Variants in ATAD5 observed in about 807,000 individuals in gnomAD.
ATAD5 encodes ATPase family AAA domain-containing protein 5.
In ATAD5, 58 loss-of-function variants were observed where a neutral mutation model predicts 176.9. The observed-to-expected ratio is 0.33, with a 90% confidence interval of 0.27 to 0.41. ATAD5 has a LOEUF of 0.41. Among genes scored for constraint, ATAD5 ranks in the 10% least tolerant of loss-of-function variants. The pLI is 1.00. For missense variants in ATAD5, 1,789 were observed against 2,094.1 expected, an observed-to-expected ratio of 0.85 and a Z score of 2.84; for synonymous variants, 640 against 712.6, an observed-to-expected ratio of 0.90 and a Z score of 1.62.
chr17:30,885,687 G>A (rs1909286038), intron 18 of ATAD5, among the ~76,000 whole-genome samples: 1 of 135,864 alleles, frequency 7.4e-6, no homozygotes, highest in Non-Finnish European at 1.5e-5. Flanking sequence ...AGGCTGGAGT[G>A]CAGTGGGGCA....
chr17:30,875,979 T>C (rs1183016598), intron 14 of ATAD5, among the ~76,000 whole-genome samples: 3 of 151,086 alleles, frequency 2.0e-5, no homozygotes, highest in Non-Finnish European at 1.5e-5. Flanking sequence ...CTACTAAATA[T>C]ACAAAAAATT....
intron 2 of ATAD5, 84 bp downstream of exon 2, chr17:30,836,132 A>ATT: frequency 2.6e-6 from 3 of 1,176,098 alleles, no homozygotes; most frequent in African/African-American, 1.6e-5. Context: ...ATTGGAGGGT[A>ATT]TTTTTTTTTC....
chr17:30,870,758 T>C (rs776677916), intron 14 of ATAD5, among the ~76,000 whole-genome samples: 1 of 152,162 alleles, frequency 6.6e-6, no homozygotes, highest in Non-Finnish European at 1.5e-5. Flanking sequence ...AGTATTATTA[T>C]GAACTCATGG....
At chr17:30,851,468 C>T (rs1298670949) in intron 6 of ATAD5, among the ~76,000 whole-genome samples, 1 of 150,120 alleles carries the variant, frequency 6.7e-6, no homozygotes, top group Admixed American at 6.6e-5. Context: ...TGCACTCCAG[C>T]CTGGGCAACA....
In ATAD5 at chr17:30,835,072, A is replaced by G. The variant is rs766615480; in HGVS notation, c.991A>G (p.Ile331Val). 49 of 1,613,948 alleles carry G rather than the reference A, an allele frequency of 3.0e-5. No homozygotes were observed. Among genetic ancestry groups the G allele is most frequent in the Non-Finnish European group, 4.0e-5 (47 of 1,180,018 alleles). Residue 331 changes from isoleucine (I) to valine (V), a missense_variant, in exon 2 of 23, where the codon ATT (isoleucine) becomes GTT (valine). By Grantham distance (29) the Ile-to-Val change is conservative. Coordinates refer to ENST00000321990, the MANE Select transcript of ATAD5 (RefSeq NM_024857.5). The stretch of plus-strand genomic sequence containing the variant: ...TACTGTTCTTGCACAGGTTCACCCT[A>G]TTCCGCCCAAAAAGACAGGGAAAAT... ...TVTVLAQVHP[I>V]PPKKTGKIPR...
chr17:30,857,515 C>T (rs1597970737), intron 8 of ATAD5, among the ~76,000 whole-genome samples: 1 of 152,122 alleles, frequency 6.6e-6, no homozygotes, highest in Non-Finnish European at 1.5e-5. Flanking sequence ...TGTACCCAGC[C>T]TAATATTTAA....
At chr17:30,862,100 C>T (rs1165061351) in intron 10 of ATAD5, among the ~76,000 whole-genome samples, 1 of 148,360 alleles carries the variant, frequency 6.7e-6, no homozygotes, top group African/African-American at 2.5e-5. Flanking sequence ...TTTGGGAGGC[C>T]GAGGTGGGTG....
chr17:30,892,550 G>C (rs1045265002), intron 19 of ATAD5, 57 bp from the exon 20 acceptor site: 7 of 1,249,720 alleles, frequency 5.6e-6, no homozygotes, highest in Non-Finnish European at 7.5e-6. Flanking sequence ...TTAAATAATT[G>C]TTTGATACAA....
At chr17:30,884,056 G>T (rs941412269) in intron 18 of ATAD5, among the ~76,000 whole-genome samples, 1 of 151,980 alleles carries the variant, frequency 6.6e-6, no homozygotes, top group Non-Finnish European at 1.5e-5. Context: ...GAAACTCCCT[G>T]TTTCCTCCTG....
intron 19 of ATAD5, 69 bp from the exon 20 acceptor site, chr17:30,892,538 C>A: frequency 8.8e-7 from 1 of 1,140,402 alleles, no homozygotes; most frequent in Non-Finnish European, 1.2e-6. Flanking sequence ...GGATCTCAGG[C>A]TTTAAATAAT....
intron 6 of ATAD5, among the ~76,000 whole-genome samples, chr17:30,852,558 G>T (rs1020405796): frequency 6.6e-6 from 1 of 152,122 alleles, no homozygotes; most frequent in Non-Finnish European, 1.5e-5. Context: ...CTAAGACTCG[G>T]TAATTTATAG....
intron 10 of ATAD5, among the ~76,000 whole-genome samples, chr17:30,865,357 A>G (rs1907919253): frequency 6.6e-6 from 1 of 152,018 alleles, no homozygotes; most frequent in African/African-American, 2.4e-5. Flanking sequence ...TACTTTTAGT[A>G]GAGACGGGGT....
chr17:30,895,137 T>A lies in ATAD5; in HGVS notation c.*224T>A, dbSNP rs1325311978. The A allele has an allele frequency of 1.1e-5, 4 of 356,456 alleles. No individual in the cohort carries two copies. The highest frequency in any genetic ancestry group is 2.1e-5 in the African/African-American group (1 of 46,786). 22.1% of individuals were successfully genotyped at this position (356,456 alleles called of 1,614,324 possible). ...ATTTTTTGTATTATCTGATTTAGCT[T>A]TGTTGGAGTATTTTTTGTATGTGAG... On this transcript the variant is annotated 3_prime_UTR_variant, in exon 23 of 23. Transcript: ENST00000321990.
In ATAD5 at chr17:30,850,833, T is replaced by TATATATATATATA. The variant is rs1906849991; in HGVS notation, c.2451-4310_2451-4309insATATATATATATA. Among the ~76,000 whole-genome samples the TATATATATATATA allele has an allele frequency of 2.8e-3, 79 of 27,820 alleles. 5 individuals are homozygous for TATATATATATATA. The highest frequency in any genetic ancestry group is 3.5e-3 in the Non-Finnish European group (60 of 16,948). The allele number at this position is 27,820 out of a possible 152,430, so 18.3% of individuals were successfully genotyped here. On this transcript the variant is annotated intron_variant, in intron 6 of 22. Coordinates refer to ENST00000321990, the MANE Select transcript of ATAD5 (RefSeq NM_024857.5). ...AATTATTATTTATATTTATATATTT[T>TATATATATATATA]TATATATATATATATATATATATAT...
intron 15 of ATAD5, 133 bp from the exon 16 acceptor site, chr17:30,877,267 CCAAAGTGCTGGGATTA>C: frequency 1.8e-6 from 1 of 568,834 alleles, no homozygotes; most frequent in Non-Finnish European, 3.0e-6. Flanking sequence ...CCTCGGCCTC[CCAAAGTGCTGGGATTA>C]CAGGCATGAG....
chr17:30,890,125 G>A (rs1909551591), intron 19 of ATAD5, among the ~76,000 whole-genome samples: 1 of 151,956 alleles, frequency 6.6e-6, no homozygotes, highest in African/African-American at 2.4e-5. Context: ...CTGGGCTCAA[G>A]TGATCCGCCC....
intron 8 of ATAD5, among the ~76,000 whole-genome samples, chr17:30,857,607 T>A (rs1056764102): frequency 1.3e-5 from 2 of 152,206 alleles, no homozygotes; most frequent in African/African-American, 4.8e-5. Flanking sequence ...TGATTGCCAG[T>A]TCTCAAAGAA....
At chr17:30,850,934 G>T (rs1269796547) in intron 6 of ATAD5, among the ~76,000 whole-genome samples, 2 of 119,490 alleles carry the variant, frequency 1.7e-5, no homozygotes, top group Non-Finnish European at 3.3e-5. Flanking sequence ...AGCCAGGCTG[G>T]AGTGCAGTGG....
Position 30,834,556 on chromosome 17 carries a change from T to C in ATAD5, c.475T>C (p.Leu159=), listed in dbSNP as rs766795863. Residue 159 remains leucine, a synonymous_variant, in exon 2 of 23, where the codon TTA becomes CTA. Coordinates refer to ENST00000321990, the MANE Select transcript of ATAD5 (RefSeq NM_024857.5). The part of the protein sequence containing the change: ...NDFVESSTSV[L]RYKKQVEVLA... ...TTTTGTGGAAAGTAGTACTTCTGTTTTACGTTACAAGAAACAAGTAGAGGT... is the reference window on the plus strand; with the variant it reads ...TTTTGTGGAAAGTAGTACTTCTGTTCTACGTTACAAGAAACAAGTAGAGGT... The C allele has an allele frequency of 1.9e-6, 3 of 1,603,186 alleles. No individual in the cohort carries two copies. The highest frequency in any genetic ancestry group is 8.5e-7 in the Non-Finnish European group (1 of 1,177,528).
Sources: gnomAD v4.1 joint callset for allele counts (sites outside exome capture counted in the v4.1 genomes callset) on GRCh38, gnomAD v4.1.1 for gene constraint, MANE v1.5 for transcripts, NCBI Gene and HGNC (gene_info 2026-07-23, HGNC 2026-07-21) for gene names.